TRHDE: variants seen among roughly 807,000 people sequenced by gnomAD.
TRHDE encodes the protein thyrotropin-releasing hormone-degrading ectoenzyme.
TRHDE carries 72 observed loss-of-function variants against 125.7 expected under a neutral mutation model. The observed-to-expected ratio is 0.57, with a 90% CI of 0.47 to 0.70. TRHDE has a LOEUF of 0.70. Ranked by LOEUF, TRHDE falls within the 30% of genes least tolerant of loss-of-function variation. The pLI, the probability that TRHDE is intolerant of heterozygous loss-of-function variation, is 0.00. For missense variants in TRHDE, 1,110 were observed against 1,327.1 expected, an observed-to-expected ratio of 0.84 and a Z score of 2.54; for synonymous variants, 509 against 509.1, an observed-to-expected ratio of 1.00 and a Z score of 0.00.
At chr12:72,126,344 T>TA (rs893390396) in intron 2 of TRHDE, among the ~76,000 whole-genome samples, 233 of 151,864 alleles carry the variant, frequency 1.5e-3, no homozygotes, top group African/African-American at 4.9e-3. Flanking sequence ...CTTCACAAAT[T>TA]AAAAAAAACC....
intron 3 of TRHDE, among the ~76,000 whole-genome samples, chr12:72,401,243 T>C (rs574898885): frequency 4.9e-4 from 75 of 152,334 alleles, no homozygotes; most frequent in African/African-American, 1.7e-3. Context: ...ACATACCTAA[T>C]ACTAACTACG....
rs926330614 is a variant in TRHDE at position 72,534,431 on chromosome 12, T to A, written c.1723-7860T>A. Among the ~76,000 whole-genome samples, 4 of 152,120 alleles carry A rather than the reference T, an allele frequency of 2.6e-5. No individual in the cohort carries two copies. In the East Asian group the frequency reaches 7.7e-4, roughly 29 times the overall value. ...TGAATACCTTTTTGGTCTCCTATTA[T>A]CTTGAGTATAGACCACCCAGTTTGA... is the stretch of plus-strand genomic sequence containing the variant. On this transcript the variant is annotated intron_variant, in intron 6 of 18. Transcript: ENST00000261180.
intron 2 of TRHDE, among the ~76,000 whole-genome samples, chr12:72,139,470 C>A (rs1411359070): frequency 6.6e-6 from 1 of 151,970 alleles, no homozygotes; most frequent in East Asian, 1.9e-4. Flanking sequence ...AGTCAGAAAA[C>A]CTCCCTAGGG....
chr12:72,586,351 G>A (rs1387004662), intron 12 of TRHDE, among the ~76,000 whole-genome samples: 3 of 152,138 alleles, frequency 2.0e-5, no homozygotes, highest in Non-Finnish European at 4.4e-5. Context: ...AAAGCCTTAG[G>A]AGGAGATTTG....
intron 2 of TRHDE, among the ~76,000 whole-genome samples, chr12:72,249,799 C>A (rs1878642512): frequency 6.6e-6 from 1 of 151,832 alleles, no homozygotes; most frequent in African/African-American, 2.4e-5. Flanking sequence ...AGTTATTTAC[C>A]CAAGAGAAAT....
chr12:72,219,431 T>C (rs1390599213), intron 2 of TRHDE, among the ~76,000 whole-genome samples: 1 of 152,148 alleles, frequency 6.6e-6, no homozygotes, highest in African/African-American at 2.4e-5. Flanking sequence ...TTTTTCAACT[T>C]GATCACCAAG....
intron 5 of TRHDE, among the ~76,000 whole-genome samples, chr12:72,485,447 C>T (rs1346746474): frequency 6.6e-6 from 1 of 152,136 alleles, no homozygotes; most frequent in Non-Finnish European, 1.5e-5. Flanking sequence ...CTGGTGCACC[C>T]ACCTCTTAGA....
At chr12:72,515,532 A>G (rs1401466241) in intron 6 of TRHDE, among the ~76,000 whole-genome samples, 13 of 151,936 alleles carry the variant, frequency 8.6e-5, no homozygotes, top group Admixed American at 5.9e-4. Context: ...TGTAGATTCT[A>G]GATATTAGCC....
At chr12:72,284,440 CATT>C (rs1241564647) in intron 1 of TRHDE, among the ~76,000 whole-genome samples, 1 of 152,074 alleles carries the variant, frequency 6.6e-6, no homozygotes, top group African/African-American at 2.4e-5. Context: ...GATTCACGAG[CATT>C]ATGTAAGATA....
At chr12:72,228,840 G>A (rs930975968) in intron 2 of TRHDE, among the ~76,000 whole-genome samples, 1 of 152,208 alleles carries the variant, frequency 6.6e-6, no homozygotes, top group African/African-American at 2.4e-5. Context: ...CTCTAGGGCA[G>A]GGCAAAATGC....
intron 2 of TRHDE, among the ~76,000 whole-genome samples, chr12:72,198,378 A>G (rs1268037008): frequency 6.6e-6 from 1 of 152,156 alleles, no homozygotes; most frequent in East Asian, 1.9e-4. Context: ...ATTTTAAAAT[A>G]AGGATATGCT....
rs370502900 is a variant in TRHDE, at chr12:72,608,380, G to C, written c.2322-10511G>C. Among the ~76,000 whole-genome samples, 7 of 152,122 alleles carry C rather than the reference G, an allele frequency of 4.6e-5. No homozygotes were observed. In the East Asian group the frequency reaches 5.8e-4, roughly 13 times the overall value. ...TCATTACCTCCCCTTTTCTTTTTGG[G>C]ACCACATCCTGGTAATCTATTTGTT... On this transcript the variant is annotated intron_variant, in intron 12 of 18. Coordinates refer to ENST00000261180, the MANE Select transcript of TRHDE (RefSeq NM_013381.3).
intron 2 of TRHDE, among the ~76,000 whole-genome samples, chr12:72,166,813 C>A (rs1169626060): frequency 6.6e-6 from 1 of 151,824 alleles, no homozygotes; most frequent in African/African-American, 2.4e-5. Flanking sequence ...TAATGAAAGA[C>A]AGAGGAGAAG....
At chr12:72,469,943 A>T (rs1361464736) in intron 4 of TRHDE, 31 bp downstream of exon 4, 2 of 1,598,040 alleles carry the variant, frequency 1.3e-6, no homozygotes, top group African/African-American at 1.4e-5. Context: ...TGTAAGTATA[A>T]TGTGAAAGCT....
intron 2 of TRHDE, among the ~76,000 whole-genome samples, chr12:72,289,557 T>A (rs554105226): frequency 6.6e-6 from 1 of 152,326 alleles, no homozygotes; most frequent in South Asian, 2.1e-4. Flanking sequence ...TATTTCTGGC[T>A]TCTCTTGAAA....
At position 72,665,990 on chromosome 12, in the gene TRHDE, C is replaced by T. The variant is rs1875101666; in HGVS notation, c.*2795C>T. ...ACATGTATTTTAGTTGGGTCATAAACTTGCATTATTTTATATTATCTCCAG... is the reference window on the plus strand; with the variant it reads ...ACATGTATTTTAGTTGGGTCATAAATTTGCATTATTTTATATTATCTCCAG... On this transcript the variant is annotated 3_prime_UTR_variant, in exon 19 of 19. Transcript: ENST00000261180. 1 of 151,960 alleles carries T rather than the reference C, an allele frequency of 6.6e-6. No homozygotes were observed. Among genetic ancestry groups the T allele is most frequent in the African/African-American group, 2.4e-5 (1 of 41,390 alleles). 9.4% of individuals were successfully genotyped at this position (151,960 alleles called of 1,614,324 possible). A position where few individuals can be genotyped will look rare whatever the true frequency, so the allele number is the denominator to read the frequency against.
At chr12:72,113,540 C>T (rs1395397881) in intron 2 of TRHDE, among the ~76,000 whole-genome samples, 1 of 151,992 alleles carries the variant, frequency 6.6e-6, no homozygotes, top group Non-Finnish European at 1.5e-5. Flanking sequence ...TCAAGTGATC[C>T]TCCTGCCTCA....
At chr12:72,636,001 C>T (rs1419559097) in intron 15 of TRHDE, among the ~76,000 whole-genome samples, 32 of 150,680 alleles carry the variant, frequency 2.1e-4, no homozygotes, top group African/African-American at 7.5e-4. Context: ...TTTTTGGTTC[C>T]ATATGAACTT....
chr12:72,244,559 T>C (rs1878539747), intron 2 of TRHDE, among the ~76,000 whole-genome samples: 1 of 151,994 alleles, frequency 6.6e-6, no homozygotes. Flanking sequence ...ATTTTAAATA[T>C]ATTTATGATT....
Sources: allele counts gnomAD v4.1 joint callset (sites outside exome capture counted in the v4.1 genomes callset), GRCh38; gene constraint gnomAD v4.1.1; transcripts MANE v1.5; gene names NCBI Gene and HGNC (gene_info 2026-07-23, HGNC 2026-07-21).